The following OSBP2 variants were observed in gnomAD, a reference collection of about 807,000 sequenced individuals.
OSBP2 encodes the protein oxysterol binding protein 2, also known as oxysterol-binding protein 2.
Under a neutral mutation model 96.0 loss-of-function variants are expected in OSBP2, and 66 were observed. That is an observed-to-expected ratio of 0.69 (90% CI 0.56 to 0.84). OSBP2 has a LOEUF of 0.84. OSBP2 is among the 40% of genes least tolerant of loss of function. The pLI, the probability that OSBP2 is intolerant of heterozygous loss-of-function variation, is 0.00. For missense variants in OSBP2, 1,038 were observed against 1,222.7 expected, an observed-to-expected ratio of 0.85 and a Z score of 2.25; for synonymous variants, 525 against 520.9, an observed-to-expected ratio of 1.01 and a Z score of -0.11.
chr22:30,830,171 G>A (rs769305684), intron 2 of OSBP2, among the ~76,000 whole-genome samples: 2 of 152,226 alleles, frequency 1.3e-5, no homozygotes, highest in Non-Finnish European at 2.9e-5. Context: ...CAAACCAGCA[G>A]CAGCATCTGA....
At chr22:30,739,293 G>A (rs2145736681) in intron 1 of OSBP2, among the ~76,000 whole-genome samples, 1 of 152,306 alleles carries the variant, frequency 6.6e-6, no homozygotes, top group South Asian at 2.1e-4. Flanking sequence ...AATCCATGTA[G>A]AGCCAGAGAA....
chr22:30,747,800 T>G (rs1049368342), intron 2 of OSBP2, among the ~76,000 whole-genome samples: 8 of 152,232 alleles, frequency 5.3e-5, no homozygotes, highest in African/African-American at 1.9e-4. Flanking sequence ...TCGAAGTACT[T>G]TAAGCTGTTC....
chr22:30,893,189 A>C lies in OSBP2; in HGVS notation c.1937A>C (p.Glu646Ala). Reference sequence around the variant, plus strand: ...AAGCATGGCTGGAGCCTCTGGCAGGAGATCACCATCTCCAGCAAGTTCCGG... The same window carrying C: ...AAGCATGGCTGGAGCCTCTGGCAGGCGATCACCATCTCCAGCAAGTTCCGG... ...FSKHGWSLWQ[E>A]ITISSKFRGK... Residue 646 changes from glutamate to alanine, a missense_variant, in exon 9 of 14, where the codon GAG becomes GCG. Coordinates refer to ENST00000332585, the MANE Select transcript of OSBP2 (RefSeq NM_030758.4). 4 of 1,614,106 alleles carry C rather than the reference A, an allele frequency of 2.5e-6. No homozygotes were observed. Among genetic ancestry groups the C allele is most frequent in the East Asian group, 2.2e-5 (1 of 44,876 alleles).
intron 1 of OSBP2, among the ~76,000 whole-genome samples, chr22:30,708,478 A>AT (rs56361178): frequency 0.14 from 8,857 of 62,942 alleles, 2,705 homozygotes; most frequent in South Asian, 0.2. Context: ...AAGGATAAGG[A>AT]TTTTTTTTTT....
At chr22:30,720,884 G>C (rs1221017133) in intron 1 of OSBP2, among the ~76,000 whole-genome samples, 1 of 152,110 alleles carries the variant, frequency 6.6e-6, no homozygotes, top group African/African-American at 2.4e-5. Context: ...ACCTTGTTGT[G>C]GGAGACCCTT....
intron 2 of OSBP2, among the ~76,000 whole-genome samples, chr22:30,854,794 C>A (rs1021121734): frequency 1.8e-4 from 28 of 152,156 alleles, no homozygotes; most frequent in Non-Finnish European, 4.4e-5. Context: ...TGTCTGTTCT[C>A]ACGCTGCTAA....
At position 30,887,441 on chromosome 22, in the gene OSBP2, T is replaced by C; in HGVS notation, c.1123T>C (p.Leu375=). 1 of 1,613,336 alleles carries C rather than the reference T, an allele frequency of 6.2e-7. No individual in the cohort carries two copies. The highest frequency in any genetic ancestry group is 8.5e-7 in the Non-Finnish European group (1 of 1,179,616). ...NAMINACRDF[L]ELAEIHSRKW... ...CCCTCCCCAGGCCTGCAGGGACTTC[T>C]TGGAACTAGCAGAGATACACAGTCG... is the stretch of plus-strand genomic sequence containing the variant. Residue 375 remains leucine (L), a synonymous_variant, in exon 4 of 14, where the codon TTG becomes CTG. Transcript: ENST00000332585.
chr22:30,794,612 A>G (rs2090729685), intron 2 of OSBP2, among the ~76,000 whole-genome samples: 1 of 151,768 alleles, frequency 6.6e-6, no homozygotes, highest in Non-Finnish European at 1.5e-5. Context: ...AATATTTGAT[A>G]TATTATAATC....
At position 30,822,845 on chromosome 22, in the gene OSBP2, G is replaced by C. The variant is rs977897850; in HGVS notation, c.854-47584G>C. 1.1e-5 allele frequency: 8 copies of C among 730,112 alleles called. No homozygotes were observed. The African/African-American group carries it at 1.5e-4, about 13-fold the overall frequency. The allele number at this position is 730,112 out of a possible 1,614,324, so 45.2% of individuals were successfully genotyped here. A position where few individuals can be genotyped will look rare whatever the true frequency, so the allele number is the denominator to read the frequency against. On this transcript the variant is annotated intron_variant, in intron 2 of 13. Transcript: ENST00000332585. The stretch of plus-strand genomic sequence containing the variant: ...CCTCGCGGCGTGGGGAGCGCGGGGA[G>C]CCTCGGGGAACCCCTGTCCCCGCAC...
Position 30,889,169 on chromosome 22 carries a change from A to G in OSBP2, c.1419-8A>G. 1 of 1,612,788 alleles carries G rather than the reference A, an allele frequency of 6.2e-7. No homozygotes were observed. The highest frequency in any genetic ancestry group is 8.5e-7 in the Non-Finnish European group (1 of 1,179,498). On this transcript the variant is annotated splice_region_variant and splice_polypyrimidine_tract_variant and intron_variant, in intron 5 of 13. Transcript: ENST00000332585. ...ATTAGTAACTTGCCTCCCGCTTTGT[A>G]TTTCCAGCAGAAAAGCTGAAGGTAG...
At chr22:30,716,766 G>A (rs551683311) in intron 1 of OSBP2, among the ~76,000 whole-genome samples, 1 of 152,084 alleles carries the variant, frequency 6.6e-6, no homozygotes, top group Non-Finnish European at 1.5e-5. Context: ...TCATTTATTT[G>A]ATTTTTGTTG....
chr22:30,891,089 C>A, intron 8 of OSBP2, 116 bp downstream of exon 8: 1 of 1,266,608 alleles, frequency 7.9e-7, no homozygotes, highest in Non-Finnish European at 1.1e-6. Flanking sequence ...ACTGCCCATA[C>A]CCAAGGGGCC....
At chr22:30,703,490 T>C (rs1263918565) in intron 1 of OSBP2, among the ~76,000 whole-genome samples, 1 of 151,074 alleles carries the variant, frequency 6.6e-6, no homozygotes, top group East Asian at 1.9e-4. Flanking sequence ...CTTTTTTTTT[T>C]TTTTAGACAG....
chr22:30,729,536 G>T (rs555131626), intron 1 of OSBP2, among the ~76,000 whole-genome samples: 3 of 152,094 alleles, frequency 2.0e-5, no homozygotes, highest in Non-Finnish European at 4.4e-5. Context: ...TACTTGGGAG[G>T]CTGAGGCAGG....
At chr22:30,701,625 G>A (rs1324925280) in intron 1 of OSBP2, among the ~76,000 whole-genome samples, 3 of 152,134 alleles carry the variant, frequency 2.0e-5, no homozygotes, top group African/African-American at 7.2e-5. Flanking sequence ...TTACAGGCGT[G>A]AGCCACCACG....
Position 30,695,007 on chromosome 22 carries a change from A to G in OSBP2, c.98A>G (p.His33Arg). The G allele has an allele frequency of 4.4e-6, 7 of 1,576,086 alleles. No homozygotes were observed. The highest frequency in any genetic ancestry group is 5.2e-6 in the Non-Finnish European group (6 of 1,164,796). The change falls in exon 1 of 14, where the codon CAC (histidine) becomes CGC (arginine). Residue 33 changes from histidine to arginine, a missense_variant. His to Arg is a conservative substitution (Grantham distance 29, BLOSUM62 0). Transcript: ENST00000332585. The part of the protein sequence containing the change: ...LFTVVPCLSC[H>R]TAAPGMSAST... ...ACGGTTGTCCCCTGCCTGTCGTGCCACACGGCGGCGCCGGGCATGAGCGCT... is the reference window on the plus strand; with the variant it reads ...ACGGTTGTCCCCTGCCTGTCGTGCCGCACGGCGGCGCCGGGCATGAGCGCT...
At chr22:30,808,068 G>A (rs1039479483) in intron 2 of OSBP2, among the ~76,000 whole-genome samples, 1 of 152,330 alleles carries the variant, frequency 6.6e-6, no homozygotes, top group Admixed American at 6.5e-5. Context: ...GGGATTACAG[G>A]TGTGAGCCAC....
chr22:30,854,649 A>T (rs1323578822), intron 2 of OSBP2, among the ~76,000 whole-genome samples: 1 of 152,058 alleles, frequency 6.6e-6, no homozygotes, highest in African/African-American at 2.4e-5. Context: ...TGAAAAAAAA[A>T]AAAAAAGCAC....
chr22:30,725,351 T>C (rs2089628869), intron 1 of OSBP2, among the ~76,000 whole-genome samples: 1 of 151,034 alleles, frequency 6.6e-6, no homozygotes, highest in Non-Finnish European at 1.5e-5. Context: ...CTACTAAAAA[T>C]ACAAGAATTA....
Sources: allele counts gnomAD v4.1 joint callset (sites outside exome capture counted in the v4.1 genomes callset), GRCh38; gene constraint gnomAD v4.1.1; transcripts MANE v1.5; gene names NCBI Gene and HGNC (gene_info 2026-07-23, HGNC 2026-07-21).